The following WDPCP variants were observed in gnomAD, a reference collection of about 807,000 sequenced individuals.
The protein encoded by WDPCP is WD repeat-containing and planar cell polarity effector protein fritz homolog.
Under a neutral mutation model 93.1 loss-of-function variants are expected in WDPCP, and 71 were observed. The observed-to-expected ratio is 0.76, with a 90% confidence interval of 0.63 to 0.93. The LOEUF is 0.93. Ranked by LOEUF, WDPCP falls within the 40% of genes least tolerant of loss-of-function variation. The pLI is 0.00. For synonymous variants in WDPCP, 315 were observed against 315.0 expected, an observed-to-expected ratio of 1.00 and a Z score of 0.00; for missense variants, 844 against 887.4, an observed-to-expected ratio of 0.95 and a Z score of 0.62.
intron 15 of WDPCP, among the ~76,000 whole-genome samples, chr2:63,174,261 T>C (rs1472916844): frequency 6.6e-6 from 1 of 152,106 alleles, no homozygotes; most frequent in Non-Finnish European, 1.5e-5. Flanking sequence ...TGGACAGATA[T>C]CAGATATTTA....
intron 13 of WDPCP, among the ~76,000 whole-genome samples, chr2:63,299,100 C>T (rs1028273943): frequency 6.6e-6 from 1 of 152,138 alleles, no homozygotes; most frequent in African/African-American, 2.4e-5. Flanking sequence ...GCATGGAGAA[C>T]GTCATTCCAC....
At chr2:63,137,470 T>A (rs528296975) in intron 17 of WDPCP, among the ~76,000 whole-genome samples, 2 of 152,286 alleles carry the variant, frequency 1.3e-5, no homozygotes, top group African/African-American at 4.8e-5. Flanking sequence ...AGATGCATAG[T>A]TTGCAAACAT....
At chr2:63,838,107 A>AC in the WDPCP span, among the ~76,000 whole-genome samples, 12 of 152,314 alleles carry the variant, frequency 7.9e-5, no homozygotes, top group South Asian at 2.1e-3. Context: ...AGAAAAAAAA[A>AC]AAGAGTGGAG....
At chr2:63,801,489 G>A (rs1472906375) in intron 2 of WDPCP, among the ~76,000 whole-genome samples, 2 of 152,192 alleles carry the variant, frequency 1.3e-5, no homozygotes, top group Non-Finnish European at 2.9e-5. Context: ...CATGGAAGGT[G>A]GACCCAGCGG....
At chr2:63,326,247 G>A (rs926510962) in intron 12 of WDPCP, among the ~76,000 whole-genome samples, 9 of 152,240 alleles carry the variant, frequency 5.9e-5, no homozygotes, top group African/African-American at 1.7e-4. Context: ...GGAACCAATC[G>A]AGCATGACTG....
chr2:63,494,104 GT>G (rs1701058419), intron 1 of WDPCP, among the ~76,000 whole-genome samples: 1 of 152,086 alleles, frequency 6.6e-6, no homozygotes, highest in South Asian at 2.1e-4. Context: ...ACAGATGCAT[GT>G]TGAACTAATG....
chr2:63,525,882 T>G (rs1408179016), intron 1 of WDPCP, among the ~76,000 whole-genome samples: 1 of 152,230 alleles, frequency 6.6e-6, no homozygotes, highest in African/African-American at 2.4e-5. Context: ...CTTTTCATTT[T>G]TTCCTCCCAT....
At chr2:63,527,293 C>G (rs1291524079) in intron 1 of WDPCP, among the ~76,000 whole-genome samples, 3 of 150,634 alleles carry the variant, frequency 2.0e-5, no homozygotes. Flanking sequence ...CATATGTATA[C>G]CTGTGCCATG....
At chr2:63,249,295 A>G (rs1199666509) in intron 14 of WDPCP, among the ~76,000 whole-genome samples, 5 of 152,082 alleles carry the variant, frequency 3.3e-5, no homozygotes, top group Non-Finnish European at 7.4e-5. Flanking sequence ...GGCTTTCTCA[A>G]TTCCCCTGTA....
At chr2:63,702,718 TTA>T (rs1491432733) in intron 2 of WDPCP, among the ~76,000 whole-genome samples, 3 of 151,810 alleles carry the variant, frequency 2.0e-5, no homozygotes, top group Non-Finnish European at 4.4e-5. Flanking sequence ...TTTTTTTTTT[TTA>T]CTTTTTTTTT....
intron 13 of WDPCP, among the ~76,000 whole-genome samples, chr2:63,298,743 G>A (rs1486757549): frequency 6.6e-6 from 1 of 152,132 alleles, no homozygotes; most frequent in African/African-American, 2.4e-5. Flanking sequence ...TAGAGGCAAA[G>A]GTCCTATGTA....
In WDPCP at chr2:63,365,084, T is replaced by C. The variant is rs1690795776; in HGVS notation, c.1748+13302A>G. Among the ~76,000 whole-genome samples, 4 of 152,166 alleles carry C rather than the reference T, an allele frequency of 2.6e-5. No homozygotes were observed. In the South Asian group the frequency reaches 8.3e-4, roughly 32 times the overall value. ...ATACAATCAACTTTGGCAACTGCAG[T>C]CAAAGTAAAGGTCCCGGCCATGTAC... On this transcript the variant is annotated intron_variant, in intron 12 of 17. Coordinates refer to ENST00000272321, the MANE Select transcript of WDPCP (RefSeq NM_015910.7).
At chr2:63,729,751 T>G (rs77049721) in intron 2 of WDPCP, among the ~76,000 whole-genome samples, 1 of 152,322 alleles carries the variant, frequency 6.6e-6, no homozygotes, top group East Asian at 1.9e-4. Flanking sequence ...ATACAGCAGT[T>G]TTAACCAAAT....
chr2:63,805,895 A>C (rs1054371915), intron 2 of WDPCP, among the ~76,000 whole-genome samples: 4 of 152,158 alleles, frequency 2.6e-5, no homozygotes, highest in African/African-American at 9.7e-5. Context: ...TGAGGCAAGC[A>C]AATTGCTTGT....
chr2:63,533,499 T>TA (rs1346395418), intron 1 of WDPCP, among the ~76,000 whole-genome samples: 2 of 152,138 alleles, frequency 1.3e-5, no homozygotes, highest in Non-Finnish European at 2.9e-5. Flanking sequence ...ACAGAAATTA[T>TA]AACAAACAGT....
chr2:63,435,590 A>C (rs1393381180), intron 8 of WDPCP, among the ~76,000 whole-genome samples: 1 of 152,158 alleles, frequency 6.6e-6, no homozygotes, highest in Non-Finnish European at 1.5e-5. Flanking sequence ...TGACATTTTC[A>C]GTTGTCACAT....
At chr2:63,228,522 G>A (rs921990722) in intron 14 of WDPCP, 5 of 151,260 alleles carry the variant, frequency 3.3e-5, no homozygotes, top group Admixed American at 6.6e-5. Context: ...ATGGTGGTGT[G>A]CTGCACCCAT....
intron 1 of WDPCP, among the ~76,000 whole-genome samples, chr2:63,494,919 CAAAAA>C (rs34227025): frequency 1.4e-5 from 1 of 69,660 alleles, no homozygotes; most frequent in Non-Finnish European, 3.0e-5. Flanking sequence ...GACTCCGTCT[CAAAAA>C]AAAAAAAAAA....
chr2:63,135,834 C>T (rs947517098), intron 17 of WDPCP, among the ~76,000 whole-genome samples: 7 of 152,246 alleles, frequency 4.6e-5, no homozygotes, highest in Middle Eastern at 3.4e-3. Context: ...TGGGCTCAGG[C>T]AATGCTCCTG....
Sources: gnomAD v4.1 joint callset for allele counts (sites outside exome capture counted in the v4.1 genomes callset) on GRCh38, gnomAD v4.1.1 for gene constraint, MANE v1.5 for transcripts, NCBI Gene and HGNC (gene_info 2026-07-23, HGNC 2026-07-21) for gene names.